Variants in FLT1 observed in about 807,000 individuals in gnomAD.
The protein encoded by FLT1 is vascular endothelial growth factor receptor 1.
In FLT1, 49 loss-of-function variants were observed where a neutral mutation model predicts 156.3. The observed-to-expected ratio is 0.31, with a 90% CI of 0.25 to 0.40. FLT1 has a LOEUF of 0.40. FLT1 is among the 10% of genes least tolerant of loss of function. The pLI is 1.00. For missense variants in FLT1, 1,322 were observed against 1,637.2 expected (o/e 0.81, Z 3.32); for synonymous variants, 594 against 583.8 (o/e 1.02, Z -0.25).
chr13:28,447,316 C>T (rs1878675862), intron 3 of FLT1, among the ~76,000 whole-genome samples: 1 of 151,724 alleles, frequency 6.6e-6, no homozygotes, highest in Non-Finnish European at 1.5e-5. Context: ...GTAGCTCAGA[C>T]TATAGGAATG....
intron 18 of FLT1, among the ~76,000 whole-genome samples, chr13:28,333,149 C>A (rs1452093494): frequency 2.0e-5 from 3 of 152,156 alleles, no homozygotes; most frequent in Non-Finnish European, 1.5e-5. Flanking sequence ...TTTGACGTCT[C>A]CCTAAGCAAA....
intron 1 of FLT1, among the ~76,000 whole-genome samples, chr13:28,473,777 GGAAAGAA>G (rs1880353539): frequency 1.6e-5 from 1 of 63,760 alleles, no homozygotes; most frequent in African/African-American, 6.8e-5. Context: ...AAGGAAGGAA[GGAAAGAA>G]AGAAAGAAAG....
At chr13:28,348,539 C>G (rs888451606) in intron 15 of FLT1, among the ~76,000 whole-genome samples, 1 of 152,186 alleles carries the variant, frequency 6.6e-6, no homozygotes, top group Non-Finnish European at 1.5e-5. Context: ...CTTATTCACC[C>G]TACTCATCAG....
intron 20 of FLT1, among the ~76,000 whole-genome samples, chr13:28,326,176 T>C (rs1291793255): frequency 6.6e-6 from 1 of 152,232 alleles, no homozygotes; most frequent in Middle Eastern, 3.2e-3. Context: ...AATGTTTGAC[T>C]GAGAGATTTT....
chr13:28,338,741 A>G (rs1364707783), intron 17 of FLT1, among the ~76,000 whole-genome samples: 1 of 152,112 alleles, frequency 6.6e-6, no homozygotes, highest in East Asian at 1.9e-4. Flanking sequence ...TGCCACCCTC[A>G]ATTATGTTCT....
intron 16 of FLT1, among the ~76,000 whole-genome samples, chr13:28,341,612 T>C (rs182372293): frequency 4.8e-4 from 73 of 152,346 alleles, no homozygotes; most frequent in Non-Finnish European, 6.2e-4. Context: ...ATGTTAGCTA[T>C]AGTTATGCAG....
chr13:28,393,617 C>T (rs955583988), intron 12 of FLT1, among the ~76,000 whole-genome samples: 3 of 152,132 alleles, frequency 2.0e-5, no homozygotes, highest in African/African-American at 4.8e-5. Flanking sequence ...GGCAGGCTCT[C>T]GCTCTGACAC....
At chr13:28,344,007 G>GCCCCCCC (rs1555302045) in intron 16 of FLT1, among the ~76,000 whole-genome samples, 59 of 146,026 alleles carry the variant, frequency 4.0e-4, no homozygotes, top group Admixed American at 1.1e-3. Flanking sequence ...ATTCACTCTT[G>GCCCCCCC]CCCCCCACCA....
chr13:28,438,022 C>G (rs1280869351), intron 4 of FLT1, among the ~76,000 whole-genome samples, 199 bp downstream of exon 4: 3 of 152,180 alleles, frequency 2.0e-5, no homozygotes, highest in Non-Finnish European at 1.5e-5. Flanking sequence ...GCTTAAGACA[C>G]CATCATTTTA....
In FLT1 at chr13:28,445,871, C is replaced by T. The variant is rs73455403; in HGVS notation, c.389-7526G>A. ...AAAGACATCACAAGAAAATGACAAA[C>T]CAATATCTATTACGAATATAGCTGC... is the stretch of plus-strand genomic sequence containing the variant. On this transcript the variant is annotated intron_variant, in intron 3 of 29. Transcript: ENST00000282397. Among the ~76,000 whole-genome samples the T allele has an allele frequency of 5.4e-3, 826 of 152,198 alleles. 4 individuals are homozygous for T. The highest frequency in any genetic ancestry group is 0.019 in the African/African-American group (779 of 41,524).
chr13:28,364,420 C>G (rs1158357971), intron 14 of FLT1, among the ~76,000 whole-genome samples: 1 of 152,098 alleles, frequency 6.6e-6, no homozygotes, highest in African/African-American at 2.4e-5. Flanking sequence ...TTAACATAAT[C>G]AAATTTGTCA....
intron 3 of FLT1, among the ~76,000 whole-genome samples, chr13:28,465,647 AG>A (rs1388402924): frequency 6.6e-6 from 1 of 152,154 alleles, no homozygotes; most frequent in Non-Finnish European, 1.5e-5. Context: ...GTTCGAGACC[AG>A]CCTGACCAAC....
chr13:28,460,483 G>A (rs559511581), intron 3 of FLT1, among the ~76,000 whole-genome samples: 2 of 152,150 alleles, frequency 1.3e-5, no homozygotes, highest in Non-Finnish European at 2.9e-5. Flanking sequence ...ACAGATTCCT[G>A]TTGGTGGAAA....
At chr13:28,345,398 T>A (rs1420918669) in intron 16 of FLT1, 47 bp downstream of exon 16, 2 of 1,240,056 alleles carry the variant, frequency 1.6e-6, no homozygotes, top group East Asian at 2.4e-5. Flanking sequence ...ATCGGGCTTT[T>A]TAGAATATAT....
intron 14 of FLT1, among the ~76,000 whole-genome samples, chr13:28,379,264 G>A (rs1176975091): frequency 6.6e-6 from 1 of 152,188 alleles, no homozygotes; most frequent in Admixed American, 6.5e-5. Flanking sequence ...AACCTGGGAG[G>A]CGGAGTTTGC....
chr13:28,457,675 T>C (rs1039247151), intron 3 of FLT1, among the ~76,000 whole-genome samples: 24 of 152,196 alleles, frequency 1.6e-4, no homozygotes, highest in Admixed American at 1.4e-3. Context: ...CATTTCATTA[T>C]CATTGTTGAA....
intron 11 of FLT1, among the ~76,000 whole-genome samples, chr13:28,397,719 C>T (rs1028786826): frequency 1.3e-5 from 2 of 149,358 alleles, no homozygotes; most frequent in Non-Finnish European, 3.0e-5. Context: ...AATAATGTGG[C>T]ATGCAGCACT....
chr13:28,371,157 C>G (rs887346299), intron 14 of FLT1, among the ~76,000 whole-genome samples: 3 of 152,062 alleles, frequency 2.0e-5, no homozygotes, highest in Non-Finnish European at 4.4e-5. Context: ...AATTTTATCT[C>G]GGAAATGCTG....
At chr13:28,376,655 T>C (rs1304822957) in intron 14 of FLT1, among the ~76,000 whole-genome samples, 3 of 152,256 alleles carry the variant, frequency 2.0e-5, no homozygotes, top group African/African-American at 7.2e-5. Context: ...GGCCAACTTA[T>C]GTTACTTCCT....
Sources: gnomAD v4.1 joint callset for allele counts (sites outside exome capture counted in the v4.1 genomes callset) on GRCh38, gnomAD v4.1.1 for gene constraint, MANE v1.5 for transcripts, NCBI Gene and HGNC (gene_info 2026-07-23, HGNC 2026-07-21) for gene names.